ABTB2: variants seen among roughly 807,000 people sequenced by gnomAD.
ABTB2 encodes ankyrin repeat and BTB domain containing 2, also known as ankyrin repeat and BTB/POZ domain-containing protein 2.
A neutral mutation model predicts 104.1 loss-of-function variants in ABTB2; 56 were observed. The observed-to-expected ratio is 0.54, with a 90% CI of 0.43 to 0.67. The LOEUF (loss-of-function observed/expected upper bound fraction) is 0.67, where lower values mean the gene tolerates loss of function less well. Ranked by LOEUF, ABTB2 falls within the 30% of genes least tolerant of loss-of-function variation. The probability of loss-of-function intolerance (pLI) is 0.00; values close to 1 mark genes in which losing one functional copy is unlikely to be tolerated. For missense variants in ABTB2, 1,279 were observed against 1,407.7 expected, an observed-to-expected ratio of 0.91 and a Z score of 1.46; for synonymous variants, 606 against 608.2, an observed-to-expected ratio of 1.00 and a Z score of 0.05.
chr11:34,250,058 A>G (rs1381144780), intron 1 of ABTB2, among the ~76,000 whole-genome samples: 1 of 152,186 alleles, frequency 6.6e-6, no homozygotes, highest in African/African-American at 2.4e-5. Flanking sequence ...AAAGATTGAT[A>G]GGAGTTGGGA....
At chr11:34,172,392 AAAAATATAT>A (rs1852888447) in intron 4 of ABTB2, among the ~76,000 whole-genome samples, 1 of 48,220 alleles carries the variant, frequency 2.1e-5, no homozygotes, top group African/African-American at 6.4e-5. Flanking sequence ...AAAAAAAAAA[AAAAATATAT>A]ATATATATAT....
rs1855467535 is a variant in ABTB2 at position 34,356,653 on chromosome 11, G to A, written c.883+48C>T. On this transcript the variant is annotated intron_variant, in intron 1 of 16. Transcript: ENST00000435224. The surrounding 1 kb of genome is among the most constrained non-coding windows in gnomAD (Gnocchi z 4.6). ...ATTCACTCCCCCAGTAGCCCAGGGC[G>A]GGATTTCTTGCCTACCCAGTCTGCC... 6.7e-7 allele frequency: 1 copy of A among 1,496,268 alleles called. No homozygotes were observed. Among genetic ancestry groups the A allele is most frequent in the East Asian group, 2.4e-5 (1 of 41,878 alleles). 92.7% of individuals were successfully genotyped at this position (1,496,268 alleles called of 1,614,324 possible). A position where few individuals can be genotyped will look rare whatever the true frequency, so the allele number is the denominator to read the frequency against.
intron 1 of ABTB2, among the ~76,000 whole-genome samples, chr11:34,295,805 T>A (rs888855786): frequency 6.6e-6 from 1 of 151,756 alleles, no homozygotes; most frequent in Non-Finnish European, 1.5e-5. Context: ...TGTCCTCACA[T>A]GGCAGAAAGA....
intron 1 of ABTB2, among the ~76,000 whole-genome samples, chr11:34,209,506 T>G (rs1431822752): frequency 8.1e-6 from 1 of 122,800 alleles, no homozygotes; most frequent in African/African-American, 3.2e-5. Context: ...TGATCCTCGC[T>G]TCTCTAAGCT....
At chr11:34,174,894 C>A (rs7121208) in intron 3 of ABTB2, among the ~76,000 whole-genome samples, 76,729 of 152,178 alleles carry the variant, frequency 0.5, 20,015 homozygotes, top group East Asian at 0.91. Flanking sequence ...CCCAGCCCTT[C>A]CCGATGCCAC....
At chr11:34,290,742 G>T (rs753123085) in intron 1 of ABTB2, among the ~76,000 whole-genome samples, 1 of 152,168 alleles carries the variant, frequency 6.6e-6, no homozygotes, top group Non-Finnish European at 1.5e-5. Context: ...AAACACCATG[G>T]AACAAAAGAA....
intron 1 of ABTB2, among the ~76,000 whole-genome samples, chr11:34,283,292 T>C (rs1854469738): frequency 6.6e-6 from 1 of 152,136 alleles, no homozygotes; most frequent in Admixed American, 6.6e-5. Context: ...CTCAGCTCAC[T>C]ACAACCTCCA....
chr11:34,275,356 T>C (rs1350884268), intron 1 of ABTB2, among the ~76,000 whole-genome samples: 1 of 152,108 alleles, frequency 6.6e-6, no homozygotes, highest in East Asian at 1.9e-4. Flanking sequence ...ATGCCCCTCC[T>C]ACCCCAGGGA....
chr11:34,267,341 C>T (rs1007638602), intron 1 of ABTB2, among the ~76,000 whole-genome samples: 5 of 152,150 alleles, frequency 3.3e-5, no homozygotes, highest in African/African-American at 1.2e-4. Context: ...CTCAGTCTTG[C>T]TGACTTTCTG....
At chr11:34,155,481 C>T (rs554957852) in intron 14 of ABTB2, among the ~76,000 whole-genome samples, 6 of 152,368 alleles carry the variant, frequency 3.9e-5, no homozygotes, top group Admixed American at 1.3e-4. Context: ...TCTGCCATCA[C>T]GCTGGAGCCT....
chr11:34,287,567 T>C (rs1012198092), intron 1 of ABTB2, among the ~76,000 whole-genome samples: 2 of 152,188 alleles, frequency 1.3e-5, no homozygotes, highest in Non-Finnish European at 2.9e-5. Flanking sequence ...CTCCTCTTTA[T>C]ATGGCTGGGG....
chr11:34,285,501 C>A (rs1854494791), intron 1 of ABTB2, among the ~76,000 whole-genome samples: 1 of 152,070 alleles, frequency 6.6e-6, no homozygotes, highest in African/African-American at 2.4e-5. Flanking sequence ...CAGAAATGGA[C>A]AGTAATAACA....
chr11:34,287,271 G>A (rs564598489), intron 1 of ABTB2, among the ~76,000 whole-genome samples: 2 of 151,578 alleles, frequency 1.3e-5, no homozygotes, highest in Admixed American at 1.3e-4. Flanking sequence ...AATATACACA[G>A]CAAAAGAAGA....
chr11:34,229,114 C>T (rs1212805632), intron 1 of ABTB2, among the ~76,000 whole-genome samples: 19 of 59,080 alleles, frequency 3.2e-4, no homozygotes, highest in Non-Finnish European at 6.3e-4. Flanking sequence ...AGCAAGACTC[C>T]GTCTTGGAAA....
chr11:34,315,840 A>G (rs1298451270), intron 1 of ABTB2, among the ~76,000 whole-genome samples: 1 of 152,224 alleles, frequency 6.6e-6, no homozygotes. Context: ...TCTGACACAC[A>G]GAATTCCCAA....
At chr11:34,256,626 C>A (rs1347669378) in intron 1 of ABTB2, among the ~76,000 whole-genome samples, 1 of 152,070 alleles carries the variant, frequency 6.6e-6, no homozygotes, top group Non-Finnish European at 1.5e-5. Flanking sequence ...GTGTCGGCAA[C>A]CTGTACAGTG....
At chr11:34,321,985 C>T (rs1276591397) in intron 1 of ABTB2, among the ~76,000 whole-genome samples, 2 of 152,224 alleles carry the variant, frequency 1.3e-5, no homozygotes, top group East Asian at 1.9e-4. Context: ...CTTCTGACAC[C>T]GAAAGAGCCA....
intron 3 of ABTB2, among the ~76,000 whole-genome samples, chr11:34,192,704 ACT>A (rs746792507): frequency 2.0e-5 from 3 of 151,672 alleles, no homozygotes; most frequent in Non-Finnish European, 4.4e-5. Flanking sequence ...TGCCATTCCC[ACT>A]CTCTCTGCCT....
At chr11:34,209,955 T>C (rs1230542196) in intron 1 of ABTB2, among the ~76,000 whole-genome samples, 1 of 151,568 alleles carries the variant, frequency 6.6e-6, no homozygotes, top group African/African-American at 2.4e-5. Flanking sequence ...CCTAAGTGAT[T>C]CTCCACCAGG....
Sources: gnomAD v4.1 joint callset for allele counts (sites outside exome capture counted in the v4.1 genomes callset) on GRCh38, gnomAD v4.1.1 for gene constraint, Gnocchi (gnomAD v3.1) non-coding constraint, MANE v1.5 for transcripts, NCBI Gene and HGNC (gene_info 2026-07-23, HGNC 2026-07-21) for gene names.